Variants in PDE4B observed in about 807,000 individuals in gnomAD.
PDE4B encodes phosphodiesterase 4B, also known as 3',5'-cyclic-AMP phosphodiesterase 4B.
A neutral mutation model predicts 82.2 loss-of-function variants in PDE4B; 20 were observed. The observed-to-expected ratio is 0.24, with a 90% confidence interval of 0.17 to 0.35. PDE4B has a LOEUF of 0.35. Ranked by LOEUF, PDE4B falls within the 10% of genes least tolerant of loss-of-function variation. The pLI, the probability that PDE4B is intolerant of heterozygous loss-of-function variation, is 1.00. For synonymous variants in PDE4B, 320 were observed against 318.9 expected, an observed-to-expected ratio of 1.00 and a Z score of -0.04; for missense variants, 655 against 907.2, an observed-to-expected ratio of 0.72 and a Z score of 3.57.
At chr1:65,837,549 C>T (rs541791949) in intron 1 of PDE4B, among the ~76,000 whole-genome samples, 7 of 152,192 alleles carry the variant, frequency 4.6e-5, no homozygotes, top group East Asian at 1.9e-4. Flanking sequence ...TGGAGGTTGC[C>T]GTGAGTCTGG....
rs147598173 is a variant in PDE4B at position 66,296,038 on chromosome 1, AATGC to A, written c.634+29952_634+29955del. Among the ~76,000 whole-genome samples, 678 of 152,160 alleles carry A rather than the reference AATGC, an allele frequency of 4.5e-3. 4 individuals are homozygous for A. The highest frequency in any genetic ancestry group is 0.016 in the African/African-American group (646 of 41,508). On this transcript the variant is annotated intron_variant, in intron 7 of 16. Transcript: ENST00000341517. Reference sequence around the variant, plus strand: ...CCAATTCCCCTTTGTTCATCAGGCTAATGCCCGCTGGTTTAGACCCAATTCAGAG... The same window carrying A: ...CCAATTCCCCTTTGTTCATCAGGCTACCGCTGGTTTAGACCCAATTCAGAG...
At chr1:66,320,470 CT>C (rs1178769761) in intron 7 of PDE4B, among the ~76,000 whole-genome samples, 5 of 152,136 alleles carry the variant, frequency 3.3e-5, no homozygotes, top group African/African-American at 1.2e-4. Context: ...TGTGGTAACA[CT>C]GAATAAATCA....
At chr1:66,216,203 T>TATATA (rs924240243) in intron 3 of PDE4B, among the ~76,000 whole-genome samples, 1 of 149,732 alleles carries the variant, frequency 6.7e-6, no homozygotes, top group African/African-American at 2.4e-5. Flanking sequence ...CATAATTATG[T>TATATA]ATATAATATA....
intron 3 of PDE4B, among the ~76,000 whole-genome samples, chr1:66,196,403 G>T (rs146822746): frequency 1.3e-5 from 2 of 152,328 alleles, no homozygotes; most frequent in Admixed American, 6.5e-5. Context: ...AACAGATGCT[G>T]CCTAGGCACA....
intron 3 of PDE4B, among the ~76,000 whole-genome samples, chr1:66,202,825 C>T (rs370209917): frequency 3.9e-5 from 6 of 152,090 alleles, no homozygotes; most frequent in East Asian, 1.9e-4. Context: ...TGTCTTTTAA[C>T]TGGAGCATTT....
intron 3 of PDE4B, among the ~76,000 whole-genome samples, chr1:66,149,953 T>C (rs1646358166): frequency 6.6e-6 from 1 of 152,244 alleles, no homozygotes; most frequent in Non-Finnish European, 1.5e-5. Context: ...GGAGTCCAAC[T>C]GCATTCTTTG....
intron 7 of PDE4B, among the ~76,000 whole-genome samples, chr1:66,322,060 A>C (rs1659442628): frequency 1.3e-5 from 2 of 152,190 alleles, no homozygotes; most frequent in Non-Finnish European, 2.9e-5. Flanking sequence ...TGACAAAAAC[A>C]AGCAATGGGG....
chr1:66,073,589 A>G (rs548099414), intron 3 of PDE4B, among the ~76,000 whole-genome samples: 26 of 152,178 alleles, frequency 1.7e-4, no homozygotes, highest in South Asian at 1.2e-3. Flanking sequence ...TGGTGATGCA[A>G]CTGTGTCTCC....
At chr1:65,952,578 G>T (rs2100574897) in intron 3 of PDE4B, among the ~76,000 whole-genome samples, 1 of 152,138 alleles carries the variant, frequency 6.6e-6, no homozygotes, top group South Asian at 2.1e-4. Context: ...AGCTGCTCTG[G>T]TGGCTGAGGA....
chr1:66,102,688 C>T (rs1049373265), intron 3 of PDE4B, among the ~76,000 whole-genome samples: 1 of 151,874 alleles, frequency 6.6e-6, no homozygotes, highest in Non-Finnish European at 1.5e-5. Flanking sequence ...TAGAAAAAAA[C>T]ACAAATATAA....
rs143001998 is a variant in PDE4B, at chr1:66,067,661, T to A, written c.281+148826T>A. ...GTTGCCTGTTCACTCTGATGGTAGT[T>A]TCTTTTCCTGTGCAGAAGTTCTTTA... On this transcript the variant is annotated intron_variant, in intron 3 of 16. Transcript: ENST00000341517. 8.4e-3 allele frequency among the ~76,000 whole-genome samples: 1,275 copies of A among 152,218 alleles called. 21 individuals are homozygous for A. The highest frequency in any genetic ancestry group is 0.029 in the African/African-American group (1,190 of 41,524).
At chr1:66,087,723 G>A (rs1042046625) in intron 3 of PDE4B, among the ~76,000 whole-genome samples, 13 of 151,910 alleles carry the variant, frequency 8.6e-5, no homozygotes, top group Admixed American at 3.9e-4. Flanking sequence ...TTGTAGGGAC[G>A]TGGATGAAAT....
intron 3 of PDE4B, among the ~76,000 whole-genome samples, chr1:66,198,269 A>C (rs1648508702): frequency 6.6e-6 from 1 of 152,140 alleles, no homozygotes; most frequent in Non-Finnish European, 1.5e-5. Context: ...ATTGCAAAAT[A>C]GCTGGTGTTA....
At chr1:65,904,051 T>C (rs1178554315) in intron 1 of PDE4B, among the ~76,000 whole-genome samples, 1 of 152,230 alleles carries the variant, frequency 6.6e-6, no homozygotes, top group Admixed American at 6.5e-5. Context: ...GTGTGCTTGC[T>C]TGCTTAAAAC....
chr1:66,058,546 T>C (rs1188630889), intron 3 of PDE4B, among the ~76,000 whole-genome samples: 1 of 152,236 alleles, frequency 6.6e-6, no homozygotes, highest in African/African-American at 2.4e-5. Flanking sequence ...GGCATTTCCA[T>C]ACATCCTCTG....
chr1:66,023,176 G>C (rs111866969), intron 3 of PDE4B, among the ~76,000 whole-genome samples: 3,215 of 152,158 alleles, frequency 0.021, 112 homozygotes, highest in African/African-American at 0.073. Flanking sequence ...TACTTTATAA[G>C]CTCTGTCATC....
intron 3 of PDE4B, among the ~76,000 whole-genome samples, chr1:65,932,561 A>C (rs1341013455): frequency 6.6e-6 from 1 of 152,158 alleles, no homozygotes; most frequent in African/African-American, 2.4e-5. Flanking sequence ...AGAGTCAAGG[A>C]AAATAAAAAT....
At chr1:66,275,618 T>C (rs1655825557) in intron 7 of PDE4B, among the ~76,000 whole-genome samples, 1 of 152,182 alleles carries the variant, frequency 6.6e-6, no homozygotes, top group Admixed American at 6.5e-5. Context: ...CCGAAGTTCC[T>C]TTTTCTGCCT....
At chr1:66,248,283 C>T (rs1057035128) in intron 4 of PDE4B, among the ~76,000 whole-genome samples, 2 of 152,216 alleles carry the variant, frequency 1.3e-5, no homozygotes, top group African/African-American at 4.8e-5. Context: ...TAGGTTGTGT[C>T]ACCCATTTAT....
Sources: gnomAD v4.1 joint callset for allele counts (sites outside exome capture counted in the v4.1 genomes callset) on GRCh38, gnomAD v4.1.1 for gene constraint, MANE v1.5 for transcripts, NCBI Gene and HGNC (gene_info 2026-07-23, HGNC 2026-07-21) for gene names.